ITM2B: variants seen among roughly 807,000 people sequenced by gnomAD.
The protein encoded by ITM2B is ABri/ADan amyloid peptide.
A neutral mutation model predicts 27.8 loss-of-function variants in ITM2B; 11 were observed. The ratio of observed to expected loss-of-function variants is 0.40; its 90% CI spans 0.25 to 0.66. The LOEUF is 0.66. Ranked by LOEUF, ITM2B falls within the 30% of genes least tolerant of loss-of-function variation. The probability of loss-of-function intolerance (pLI) is 0.43; values close to 1 mark genes in which losing one functional copy is unlikely to be tolerated. For missense variants in ITM2B, 296 were observed against 328.9 expected, an observed-to-expected ratio of 0.90 and a Z score of 0.77; for synonymous variants, 114 against 114.3, an observed-to-expected ratio of 1.00 and a Z score of 0.02.
At chr13:48,242,414 T>C (rs746918683) in intron 1 of ITM2B, among the ~76,000 whole-genome samples, 24 of 152,006 alleles carry the variant, frequency 1.6e-4, no homozygotes, top group Non-Finnish European at 2.8e-4. Flanking sequence ...TCTTTCTTTT[T>C]TTTTTGATGA....
At position 48,262,935 on chromosome 13, in the gene ITM2B, G is replaced by C. The variant is rs946685667; in HGVS notation, c.*1711G>C. 6 of 152,128 alleles carry C rather than the reference G, an allele frequency of 3.9e-5. No homozygotes were observed. Among genetic ancestry groups the C allele is most frequent in the Non-Finnish European group, 8.8e-5 (6 of 68,028 alleles). 9.4% of individuals were successfully genotyped at this position (152,128 alleles called of 1,614,324 possible). A position where few individuals can be genotyped will look rare whatever the true frequency, so the allele number is the denominator to read the frequency against. Reference sequence around the variant, plus strand: ...GACCATGGGCCACTATTGAAGTTTTGCATTTTGGAAGGAGCTTATTAGTTT... The same window carrying C: ...GACCATGGGCCACTATTGAAGTTTTCCATTTTGGAAGGAGCTTATTAGTTT... On this transcript the variant is annotated 3_prime_UTR_variant, in exon 6 of 6. Transcript: ENST00000647800.
chr13:48,255,403 C>T (rs1271733108), intron 2 of ITM2B, among the ~76,000 whole-genome samples: 2 of 152,056 alleles, frequency 1.3e-5, no homozygotes, highest in Admixed American at 6.5e-5. Flanking sequence ...GCAATCCTCC[C>T]GCCTCAACCT....
intron 1 of ITM2B, among the ~76,000 whole-genome samples, chr13:48,234,220 C>T (rs926934259): frequency 1.3e-4 from 20 of 152,122 alleles, no homozygotes; most frequent in South Asian, 4.1e-4. Flanking sequence ...AAATTTGCCC[C>T]CGGGTCCCTA....
chr13:48,244,387 C>T (rs1034843889), intron 1 of ITM2B, among the ~76,000 whole-genome samples: 1 of 152,344 alleles, frequency 6.6e-6, no homozygotes, highest in Admixed American at 6.5e-5. Context: ...TGAGTTTTTA[C>T]TGCACATGCC....
intron 1 of ITM2B, among the ~76,000 whole-genome samples, chr13:48,239,236 G>A (rs1951685896): frequency 6.6e-6 from 1 of 152,052 alleles, no homozygotes; most frequent in South Asian, 2.1e-4. Flanking sequence ...TTTTACCTAG[G>A]GCCGTGCTAG....
rs1260855221 is a variant in ITM2B, at chr13:48,262,043, CTA to C, written c.*820_*821del. On this transcript the variant is annotated 3_prime_UTR_variant, in exon 6 of 6. Coordinates refer to ENST00000647800, the MANE Select transcript of ITM2B (RefSeq NM_021999.5). Reference sequence around the variant, plus strand: ...AAATAAAAATAAGTCATTTTAATAACTAAACCAGATTCTTTGTGGATACTATT... The same window carrying C: ...AAATAAAAATAAGTCATTTTAATAACAACCAGATTCTTTGTGGATACTATT... The C allele has an allele frequency of 6.6e-6, 1 of 152,052 alleles. No individual in the cohort carries two copies. The highest frequency in any genetic ancestry group is 1.5e-5 in the Non-Finnish European group (1 of 67,966). The allele number at this position is 152,052 out of a possible 1,614,324, so 9.4% of individuals were successfully genotyped here.
chr13:48,235,013 C>CATAT (rs58490404), intron 1 of ITM2B, among the ~76,000 whole-genome samples: 3,245 of 149,832 alleles, frequency 0.022, 117 homozygotes, highest in African/African-American at 0.074. Flanking sequence ...AATGCTATCA[C>CATAT]ATATATATAT....
At chr13:48,234,498 T>G (rs1247232391) in intron 1 of ITM2B, among the ~76,000 whole-genome samples, 1 of 152,148 alleles carries the variant, frequency 6.6e-6, no homozygotes, top group Non-Finnish European at 1.5e-5. Flanking sequence ...TAGGGTAAAT[T>G]TAGTTTTAAC....
chr13:48,258,667 C>A, intron 4 of ITM2B, 130 bp from the exon 5 acceptor site: 1 of 823,034 alleles, frequency 1.2e-6, no homozygotes, highest in Non-Finnish European at 2.0e-6. Flanking sequence ...AGAACATAAA[C>A]AAACAGATGG....
rs1184631507 is a variant in ITM2B at position 48,264,424 on chromosome 13, A to T, written c.*3200A>T. Reference sequence around the variant, plus strand: ...GTGTAAAACTTAAAGGCTGATTAATAATGCAAATGAAAAGGCAAATGGATT... The same window carrying T: ...GTGTAAAACTTAAAGGCTGATTAATTATGCAAATGAAAAGGCAAATGGATT... On this transcript the variant is annotated 3_prime_UTR_variant, in exon 6 of 6. Transcript: ENST00000647800. The T allele has an allele frequency of 1.3e-5, 2 of 152,218 alleles. No individual in the cohort carries two copies. The highest frequency in any genetic ancestry group is 2.9e-5 in the Non-Finnish European group (2 of 68,040). The allele number at this position is 152,218 out of a possible 1,614,324, so 9.4% of individuals were successfully genotyped here.
intron 1 of ITM2B, among the ~76,000 whole-genome samples, chr13:48,233,845 T>C (rs538794903): frequency 1.3e-5 from 2 of 152,272 alleles, no homozygotes; most frequent in African/African-American, 2.4e-5. Flanking sequence ...AGTTTGGCAC[T>C]TCCTTCCCAG....
At chr13:48,236,560 G>T (rs1951669716) in intron 1 of ITM2B, among the ~76,000 whole-genome samples, 3 of 152,164 alleles carry the variant, frequency 2.0e-5, no homozygotes, top group Admixed American at 6.5e-5. Context: ...TTTTAATTGT[G>T]AAAAATAGCA....
chr13:48,237,639 T>TA, intron 1 of ITM2B, among the ~76,000 whole-genome samples: 1 of 152,232 alleles, frequency 6.6e-6, no homozygotes, highest in East Asian at 1.9e-4. Flanking sequence ...TTTAAATTAA[T>TA]TTAGAATTTG....
intron 1 of ITM2B, among the ~76,000 whole-genome samples, chr13:48,245,391 T>G (rs898663834): frequency 1.3e-5 from 2 of 152,120 alleles, no homozygotes; most frequent in Non-Finnish European, 2.9e-5. Flanking sequence ...GAAATGATGG[T>G]CATTTTTTAA....
intron 1 of ITM2B, among the ~76,000 whole-genome samples, chr13:48,249,498 C>A (rs531031063): frequency 2.1e-4 from 32 of 152,192 alleles, no homozygotes; most frequent in Admixed American, 1.0e-3. Context: ...AAAAATCTTG[C>A]CACCCTCTAA....
chr13:48,233,219 G>T lies in ITM2B; in HGVS notation c.-142G>T, dbSNP rs539024187. 3.9e-6 allele frequency: 2 copies of T among 507,870 alleles called. No individual in the cohort carries two copies. The highest frequency in any genetic ancestry group is 5.2e-5 in the South Asian group (2 of 38,156). The allele number at this position is 507,870 out of a possible 1,614,324, so 31.5% of individuals were successfully genotyped here. On this transcript the variant is annotated 5_prime_UTR_variant, in exon 1 of 6. Transcript: ENST00000647800. ...GATCCCTACCGCAGTAGCCGCCTCT[G>T]CCGCCGCGGAGCTTCCCGAACCTCT...
chr13:48,234,633 T>C (rs773452983), intron 1 of ITM2B, among the ~76,000 whole-genome samples: 1 of 152,128 alleles, frequency 6.6e-6, no homozygotes, highest in African/African-American at 2.4e-5. Flanking sequence ...AATCTAGACA[T>C]CATATTATAA....
intron 2 of ITM2B, among the ~76,000 whole-genome samples, chr13:48,255,230 A>AGTGTGT (rs57255200): frequency 3.3e-5 from 5 of 149,596 alleles, no homozygotes; most frequent in Non-Finnish European, 4.5e-5. Context: ...TAGTGTGTGT[A>AGTGTGT]GTGTGTGTGT....
At chr13:48,252,434 C>T (rs1360260258) in intron 1 of ITM2B, among the ~76,000 whole-genome samples, 1 of 152,158 alleles carries the variant, frequency 6.6e-6, no homozygotes, top group Admixed American at 6.5e-5. Context: ...ATTAGATTCT[C>T]TTAGGAGCGC....
Sources: gnomAD v4.1 joint callset for allele counts (sites outside exome capture counted in the v4.1 genomes callset) on GRCh38, gnomAD v4.1.1 for gene constraint, MANE v1.5 for transcripts, NCBI Gene and HGNC (gene_info 2026-07-23, HGNC 2026-07-21) for gene names.